Variants in GALR2 observed in about 807,000 individuals in gnomAD.
The protein encoded by GALR2 is galanin receptor type 2.
A neutral mutation model predicts 7.2 loss-of-function variants in GALR2; 5 were observed. The ratio of observed to expected loss-of-function variants is 0.69; its 90% CI spans 0.36 to 1.45. GALR2 has a LOEUF of 1.45. GALR2 is among the 40% of genes most tolerant of loss of function. GALR2 has a pLI of 0.03. For synonymous variants in GALR2, 300 were observed against 263.9 expected, an observed-to-expected ratio of 1.14 and a Z score of -1.32; for missense variants, 561 against 555.7, an observed-to-expected ratio of 1.01 and a Z score of -0.10.
upstream of GALR2, among the ~76,000 whole-genome samples, chr17:76,073,584 G>A (rs1441694591): frequency 1.6e-5 from 2 of 123,928 alleles, no homozygotes; most frequent in African/African-American, 6.2e-5. Context: ...GTGAACCACC[G>A]CGCCCGGCCC....
upstream of GALR2, chr17:76,072,261 G>T (rs959693289): frequency 6.2e-7 from 1 of 1,603,536 alleles, no homozygotes; most frequent in African/African-American, 1.4e-5. The surrounding 1 kb of genome is among the most constrained non-coding windows in gnomAD (Gnocchi z 4.5). Flanking sequence ...CAGCCCTCCA[G>T]TTCGACACGT....
chr17:76,076,968 T>G lies in GALR2; in HGVS notation c.701T>G (p.Val234Gly). The change falls in exon 2 of 2, where the codon GTG (valine) becomes GGG (glycine). Residue 234 changes from valine (V) to glycine (G), a missense_variant. By Grantham distance (109) the Val-to-Gly change is moderately radical (BLOSUM62 -3). Transcript: ENST00000329003. The surrounding 1 kb of genome is among the most constrained non-coding windows in gnomAD (Gnocchi z 6.5). ...GSGARRAKRK[V>G]TRMILIVAAL... is the part of the protein sequence containing the mutation. The stretch of plus-strand genomic sequence containing the variant: ...GGTGCCCGGCGCGCCAAGCGCAAGG[T>G]GACACGCATGATCCTCATCGTGGCC... The G allele has an allele frequency of 6.2e-7, 1 of 1,605,436 alleles. No individual in the cohort carries two copies. Among genetic ancestry groups the G allele is most frequent in the Non-Finnish European group, 8.5e-7 (1 of 1,179,058 alleles).
upstream of GALR2, chr17:76,072,194 T>C: frequency 6.4e-7 from 1 of 1,563,396 alleles, no homozygotes; most frequent in Non-Finnish European, 8.6e-7. This position sits in a 1 kb window ranked among gnomAD's most constrained non-coding sequence, Gnocchi z 4.5. Flanking sequence ...CGAGAGAAAC[T>C]GCAACCCTCG....
upstream of GALR2, among the ~76,000 whole-genome samples, chr17:76,073,832 A>G (rs939928308): frequency 1.2e-4 from 18 of 151,728 alleles, no homozygotes; most frequent in African/African-American, 4.4e-4. Flanking sequence ...TTGGAGGGAA[A>G]ACGTTCAATG....
In GALR2 at chr17:76,075,072, C is replaced by G; in HGVS notation, c.189C>G (p.Phe63Leu). 3 of 1,611,988 alleles carry G rather than the reference C, an allele frequency of 1.9e-6. No homozygotes were observed. Among genetic ancestry groups the G allele is most frequent in the Non-Finnish European group, 1.7e-6 (2 of 1,179,970 alleles). The change falls in exon 1 of 2, where the codon TTC becomes TTG. Residue 63 changes from phenylalanine (F) to leucine (L), a missense_variant. Physicochemically the swap from Phe to Leu is conservative, Grantham distance 22. Coordinates refer to ENST00000329003, the MANE Select transcript of GALR2 (RefSeq NM_003857.4). This position sits in a 1 kb window ranked among gnomAD's most constrained non-coding sequence, Gnocchi z 5.9. ...GGQAVSTTNL[F>L]ILNLGVADLC... ...AGGCGGTCAGCACTACCAACCTGTT[C>G]ATCCTTAACCTGGGCGTGGCCGACC...
upstream of GALR2, chr17:76,072,302 G>T: frequency 6.2e-7 from 1 of 1,611,864 alleles, no homozygotes; most frequent in Non-Finnish European, 8.5e-7. This position sits in a 1 kb window ranked among gnomAD's most constrained non-coding sequence, Gnocchi z 4.5. Flanking sequence ...GATTACTCTA[G>T]GATACTCTCC....
chr17:76,076,589 T>G lies in GALR2; in HGVS notation c.369-47T>G. On this transcript the variant is annotated intron_variant, in intron 1 of 1. Coordinates refer to ENST00000329003, the MANE Select transcript of GALR2 (RefSeq NM_003857.4). This position sits in a 1 kb window ranked among gnomAD's most constrained non-coding sequence, Gnocchi z 6.5. ...GTGCAGGGGTCGCGGCCCTCCAGCATGAATGTGCCCGCTCAGCCGACGTCT... is the reference window on the plus strand; with the variant it reads ...GTGCAGGGGTCGCGGCCCTCCAGCAGGAATGTGCCCGCTCAGCCGACGTCT... 6 of 1,355,934 alleles carry G rather than the reference T, an allele frequency of 4.4e-6. No homozygotes were observed. Among genetic ancestry groups the G allele is most frequent in the Non-Finnish European group, 6.1e-6 (6 of 984,086 alleles). The allele number at this position is 1,355,934 out of a possible 1,614,324, so 84.0% of individuals were successfully genotyped here.
At position 76,076,205 on chromosome 17, in the gene GALR2, C is replaced by T. The variant is rs2066887641; in HGVS notation, c.369-431C>T. ...AACTGTCCCTTGCCCAACATGTCTTCTCCAGGCTGTCTGCTAGAGCCTCAG... is the reference window on the plus strand; with the variant it reads ...AACTGTCCCTTGCCCAACATGTCTTTTCCAGGCTGTCTGCTAGAGCCTCAG... On this transcript the variant is annotated intron_variant, in intron 1 of 1. Transcript: ENST00000329003. This position sits in a 1 kb window ranked among gnomAD's most constrained non-coding sequence, Gnocchi z 6.5. 6.6e-6 allele frequency among the ~76,000 whole-genome samples: 1 copy of T among 152,258 alleles called. No homozygotes were observed. The highest frequency in any genetic ancestry group is 2.4e-5 in the African/African-American group (1 of 41,474).
chr17:76,073,962 A>G (rs1450909445), upstream of GALR2, among the ~76,000 whole-genome samples: 2 of 152,098 alleles, frequency 1.3e-5, no homozygotes, highest in Non-Finnish European at 2.9e-5. Context: ...CTTGGCCAAC[A>G]TGGTGAAACC....
At chr17:76,072,221 C>A, upstream of GALR2, 4 of 1,593,534 alleles carry the variant, frequency 2.5e-6, no homozygotes, top group South Asian at 1.1e-5. This position sits in a 1 kb window ranked among gnomAD's most constrained non-coding sequence, Gnocchi z 4.5. Context: ...CCTGCCAGGA[C>A]TTGTCGGGAC....
Position 76,074,952 on chromosome 17 carries a change from C to A in GALR2, c.69C>A (p.Pro23=). 6.3e-7 allele frequency: 1 copy of A among 1,578,534 alleles called. No homozygotes were observed. Among genetic ancestry groups the A allele is most frequent in the Admixed American group, 1.8e-5 (1 of 56,248 alleles). ...SQAGGGGGWH[P]EAVIVPLLFA... Reference sequence around the variant, plus strand: ...CGGGCGGCGGGGGAGGCTGGCACCCCGAGGCGGTCATCGTGCCCCTGCTCT... The same window carrying A: ...CGGGCGGCGGGGGAGGCTGGCACCCAGAGGCGGTCATCGTGCCCCTGCTCT... The change falls in exon 1 of 2, where the codon CCC becomes CCA. Residue 23 remains proline (P), a synonymous_variant. Coordinates refer to ENST00000329003, the MANE Select transcript of GALR2 (RefSeq NM_003857.4). This position sits in a 1 kb window ranked among gnomAD's most constrained non-coding sequence, Gnocchi z 6.7.
In GALR2 at chr17:76,075,038, G is replaced by A; in HGVS notation, c.155G>A (p.Arg52His). The change falls in exon 1 of 2, where the codon CGC (arginine) becomes CAC (histidine). Residue 52 changes from arginine to histidine, a missense_variant. Physicochemically the swap from Arg to His is conservative, Grantham distance 29 (BLOSUM62 0). Coordinates refer to ENST00000329003, the MANE Select transcript of GALR2 (RefSeq NM_003857.4). This position sits in a 1 kb window ranked among gnomAD's most constrained non-coding sequence, Gnocchi z 5.9. Reference protein sequence around the residue: ...GNTLVLAVLLRGGQAVSTTNL... With the variant: ...GNTLVLAVLLHGGQAVSTTNL... Reference sequence around the variant, plus strand: ...ACGCTGGTGCTGGCGGTGCTGCTGCGCGGCGGCCAGGCGGTCAGCACTACC... The same window carrying A: ...ACGCTGGTGCTGGCGGTGCTGCTGCACGGCGGCCAGGCGGTCAGCACTACC... The A allele has an allele frequency of 6.2e-7, 1 of 1,610,742 alleles. No individual in the cohort carries two copies. The highest frequency in any genetic ancestry group is 1.1e-5 in the South Asian group (1 of 90,996).
At position 76,077,224 on chromosome 17, in the gene GALR2, G is replaced by A. The variant is rs1170859307; in HGVS notation, c.957G>A (p.Ser319=). Residue 319 remains serine (S), a synonymous_variant, in exon 2 of 2, where the codon TCG becomes TCA. Transcript: ENST00000329003. ...TGGGCCGTGCCCCAGGCCGAGCCTC[G>A]GGCCGTGTGTGCGCTGCCGCGCGGG... The part of the protein sequence containing the change: ...GLLGRAPGRA[S]GRVCAAARGT... 6.2e-7 allele frequency: 1 copy of A among 1,607,090 alleles called. No individual in the cohort carries two copies. The highest frequency in any genetic ancestry group is 1.3e-5 in the African/African-American group (1 of 74,928).
upstream of GALR2, chr17:76,072,801 T>A (rs28372845): frequency 1.0e-3 from 550 of 530,122 alleles, 4 homozygotes; most frequent in East Asian, 0.019. This position sits in a 1 kb window ranked among gnomAD's most constrained non-coding sequence, Gnocchi z 4.5. Context: ...AGGTCCTGCA[T>A]CCTGGACTGG....
At chr17:76,072,415 C>A (rs754741659), upstream of GALR2, 18 of 1,584,922 alleles carry the variant, frequency 1.1e-5, no homozygotes, top group Non-Finnish European at 1.4e-5. This position sits in a 1 kb window ranked among gnomAD's most constrained non-coding sequence, Gnocchi z 4.5. Context: ...ACCGCCGCTA[C>A]CGCCGCCGCC....
upstream of GALR2, chr17:76,074,775 C>A: frequency 6.5e-6 from 8 of 1,230,884 alleles, no homozygotes; most frequent in Non-Finnish European, 6.5e-6. This position sits in a 1 kb window ranked among gnomAD's most constrained non-coding sequence, Gnocchi z 6.7. Flanking sequence ...CCGCCTTCAG[C>A]CCGGCAGAGT....
chr17:76,072,050 C>T (rs1370879889), upstream of GALR2: 3 of 618,426 alleles, frequency 4.9e-6, no homozygotes, highest in Non-Finnish European at 8.0e-6. The surrounding 1 kb of genome is among the most constrained non-coding windows in gnomAD (Gnocchi z 4.5). Context: ...AACTGCGGGG[C>T]ACCAGGGGAA....
chr17:76,077,194 C>T lies in GALR2; in HGVS notation c.927C>T (p.Gly309=). 1 of 1,609,882 alleles carries T rather than the reference C, an allele frequency of 6.2e-7. No homozygotes were observed. The highest frequency in any genetic ancestry group is 8.5e-7 in the Non-Finnish European group (1 of 1,178,732). ...FRKGFRTICA[G]LLGRAPGRAS... ...AAGGCTTCCGCACGATCTGCGCGGG[C>T]CTGCTGGGCCGTGCCCCAGGCCGAG... The change falls in exon 2 of 2, where the codon GGC becomes GGT. Residue 309 remains glycine, a synonymous_variant. Transcript: ENST00000329003.
Position 76,074,918 on chromosome 17 carries a change from C to A in GALR2, c.35C>A (p.Ala12Glu). Residue 12 changes from alanine to glutamate, a missense_variant, in exon 1 of 2, where the codon GCG (alanine) becomes GAG (glutamate). Physicochemically the swap from Ala to Glu is moderately radical, Grantham distance 107. Transcript: ENST00000329003. This position sits in a 1 kb window ranked among gnomAD's most constrained non-coding sequence, Gnocchi z 6.7. ...NVSGCPGAGNASQAGGGGGWH... is the reference protein window; with the variant it reads ...NVSGCPGAGNESQAGGGGGWH... ...TCGGGCTGCCCAGGGGCCGGGAACG[C>A]GAGCCAGGCGGGCGGCGGGGGAGGC... 6.5e-7 allele frequency: 1 copy of A among 1,545,410 alleles called. No individual in the cohort carries two copies. Among genetic ancestry groups the A allele is most frequent in the Non-Finnish European group, 8.7e-7 (1 of 1,152,576 alleles).
Sources: allele counts gnomAD v4.1 joint callset (sites outside exome capture counted in the v4.1 genomes callset), GRCh38; gene constraint gnomAD v4.1.1; non-coding constraint Gnocchi (gnomAD v3.1); transcripts MANE v1.5; gene names NCBI Gene and HGNC (gene_info 2026-07-23, HGNC 2026-07-21).